The following PDE4B variants were observed in gnomAD, a reference collection of about 807,000 sequenced individuals.
PDE4B encodes the protein phosphodiesterase 4B.
A neutral mutation model predicts 82.2 loss-of-function variants in PDE4B; 20 were observed. That is an observed-to-expected ratio of 0.24 (90% CI 0.17 to 0.35). The LOEUF is 0.35. Among genes scored for constraint, PDE4B ranks in the 10% least tolerant of loss-of-function variants. The pLI is 1.00. For missense variants in PDE4B, 655 were observed against 907.2 expected (o/e 0.72, Z 3.57); for synonymous variants, 320 against 318.9 (o/e 1.00, Z -0.04).
chr1:66,342,996 G>A (rs958060902), intron 8 of PDE4B, among the ~76,000 whole-genome samples: 7 of 152,112 alleles, frequency 4.6e-5, no homozygotes, highest in African/African-American at 1.7e-4. Context: ...AGTGCACCAA[G>A]ATCGCACTAC....
At chr1:65,929,706 G>C (rs1033532332) in intron 3 of PDE4B, among the ~76,000 whole-genome samples, 11 of 152,202 alleles carry the variant, frequency 7.2e-5, no homozygotes, top group Admixed American at 7.2e-4. Flanking sequence ...TACGTTCCTT[G>C]GTTCTGCACA....
chr1:66,128,281 C>G (rs2485386), intron 3 of PDE4B, among the ~76,000 whole-genome samples: 1 of 152,222 alleles, frequency 6.6e-6, no homozygotes. Context: ...AATAGCTCTC[C>G]TTGGAGATTT....
chr1:66,106,048 C>A (rs2101036432), intron 3 of PDE4B, among the ~76,000 whole-genome samples: 1 of 152,028 alleles, frequency 6.6e-6, no homozygotes, highest in East Asian at 1.9e-4. Context: ...CCAGTTTGTG[C>A]CCATTCAGTA....
intron 9 of PDE4B, chr1:66,360,672 T>G (rs1662690034): frequency 6.6e-6 from 1 of 152,150 alleles, no homozygotes; most frequent in South Asian, 2.1e-4. Context: ...CCTGAAAGAG[T>G]TAATGCATTT....
intron 3 of PDE4B, among the ~76,000 whole-genome samples, chr1:65,921,275 C>T (rs1362031320): frequency 1.3e-5 from 2 of 152,062 alleles, no homozygotes; most frequent in African/African-American, 2.4e-5. Context: ...GCCCTAAAAG[C>T]ATTTCTGAAC....
chr1:66,007,125 T>C (rs1031359204), intron 3 of PDE4B, among the ~76,000 whole-genome samples: 19 of 151,730 alleles, frequency 1.3e-4, no homozygotes, highest in African/African-American at 3.6e-4. Context: ...GAGTGAAACT[T>C]TGACTCTGAA....
intron 7 of PDE4B, among the ~76,000 whole-genome samples, chr1:66,304,220 CA>C (rs1327424669): frequency 3.3e-5 from 5 of 152,042 alleles, no homozygotes; most frequent in Admixed American, 1.3e-4. Context: ...TAGAGTTTGA[CA>C]AGAGATAAAC....
intron 7 of PDE4B, among the ~76,000 whole-genome samples, chr1:66,329,385 A>C (rs1659953018): frequency 6.6e-6 from 1 of 152,216 alleles, no homozygotes; most frequent in Admixed American, 6.5e-5. Context: ...CACCATGACA[A>C]GTTGAAAGAG....
chr1:66,168,232 C>G (rs1357793741), intron 3 of PDE4B, among the ~76,000 whole-genome samples: 1 of 151,808 alleles, frequency 6.6e-6, no homozygotes, highest in Middle Eastern at 3.2e-3. Context: ...TAGGCACTGA[C>G]AATAAAGCAG....
In PDE4B at chr1:65,898,052, C is replaced by T. The variant is rs1206477431; in HGVS notation, c.-70-15193C>T. ...TTCTGGCTGGTGTGAGATAGTATCT[C>T]ATTGTGATTTTGATTTGCACATCTC... On this transcript the variant is annotated intron_variant, in intron 1 of 16. Coordinates refer to ENST00000341517, the MANE Select transcript of PDE4B (RefSeq NM_002600.4). 2.0e-5 allele frequency among the ~76,000 whole-genome samples: 3 copies of T among 152,168 alleles called. No homozygotes were observed. In the East Asian group the frequency reaches 5.8e-4, roughly 29 times the overall value.
intron 3 of PDE4B, among the ~76,000 whole-genome samples, chr1:65,979,603 G>A (rs993191187): frequency 1.3e-5 from 2 of 152,180 alleles, no homozygotes; most frequent in Admixed American, 6.5e-5. Flanking sequence ...CATTCCACAT[G>A]TTTTTTTACA....
chr1:66,041,706 A>G (rs1441784586), intron 3 of PDE4B, among the ~76,000 whole-genome samples: 4 of 151,758 alleles, frequency 2.6e-5, no homozygotes, highest in African/African-American at 7.3e-5. Flanking sequence ...AACAGCATTA[A>G]TCACAACATA....
At position 66,214,339 on chromosome 1, in the gene PDE4B, T is replaced by C. The variant is rs557104651; in HGVS notation, c.282-33121T>C. The stretch of plus-strand genomic sequence containing the variant: ...TCATTCATTACTTTCCCTTCTGGCT[T>C]TTTTTTCCCTGTAACTTTGAGAGAT... On this transcript the variant is annotated intron_variant, in intron 3 of 16. Transcript: ENST00000341517. Among the ~76,000 whole-genome samples, 46 of 152,236 alleles carry C rather than the reference T, an allele frequency of 3.0e-4. 1 individual carries two copies. In the South Asian group the frequency reaches 9.3e-3, roughly 31 times the overall value.
chr1:65,847,015 C>G (rs1241992706), intron 1 of PDE4B, among the ~76,000 whole-genome samples: 1 of 152,124 alleles, frequency 6.6e-6, no homozygotes, highest in Non-Finnish European at 1.5e-5. Flanking sequence ...TTCTTGTTGA[C>G]CACATTATCT....
At chr1:66,342,968 C>A (rs571292507) in intron 8 of PDE4B, among the ~76,000 whole-genome samples, 2 of 152,152 alleles carry the variant, frequency 1.3e-5, no homozygotes, top group East Asian at 3.9e-4. Flanking sequence ...TCGCTTGAGC[C>A]CTGGAGGCAG....
At chr1:66,106,078 G>A (rs1570247991) in intron 3 of PDE4B, among the ~76,000 whole-genome samples, 1 of 151,918 alleles carries the variant, frequency 6.6e-6, no homozygotes, top group African/African-American at 2.4e-5. Flanking sequence ...CTGTGGGTTT[G>A]TCATAGATAG....
intron 4 of PDE4B, 58 bp downstream of exon 4, chr1:66,247,712 C>G: frequency 7.8e-7 from 1 of 1,288,148 alleles, no homozygotes. Flanking sequence ...CTACCCAGGT[C>G]ACAGTGGCAG....
At chr1:65,924,201 A>T (rs1168626267) in intron 3 of PDE4B, among the ~76,000 whole-genome samples, 1 of 138,884 alleles carries the variant, frequency 7.2e-6, no homozygotes, top group African/African-American at 2.6e-5. Flanking sequence ...CAGCCTCCCA[A>T]GTAGCTGGGA....
At chr1:66,183,155 C>G (rs1444844047) in intron 3 of PDE4B, among the ~76,000 whole-genome samples, 1 of 152,040 alleles carries the variant, frequency 6.6e-6, no homozygotes, top group Admixed American at 6.6e-5. Context: ...TCACAGGCAG[C>G]CTTTTGTGCT....
Sources: allele counts gnomAD v4.1 joint callset (sites outside exome capture counted in the v4.1 genomes callset), GRCh38; gene constraint gnomAD v4.1.1; transcripts MANE v1.5; gene names NCBI Gene and HGNC (gene_info 2026-07-23, HGNC 2026-07-21).